Variants in DPP6 observed in about 807,000 individuals in gnomAD.
The protein encoded by DPP6 is dipeptidyl peptidase like 6.
In DPP6, 69 loss-of-function variants were observed where a neutral mutation model predicts 122.6. The observed-to-expected ratio is 0.56, with a 90% CI of 0.46 to 0.69. DPP6 has a LOEUF of 0.69. Ranked by LOEUF, DPP6 falls within the 30% of genes least tolerant of loss-of-function variation. The pLI is 0.00. For missense variants in DPP6, 928 were observed against 1,116.9 expected (o/e 0.83, Z 2.41); for synonymous variants, 418 against 433.1 (o/e 0.97, Z 0.43).
intron 1 of DPP6, among the ~76,000 whole-genome samples, chr7:154,438,025 A>G (rs1389291305): frequency 7.9e-5 from 12 of 152,190 alleles, no homozygotes; most frequent in Admixed American, 7.9e-4. Flanking sequence ...GTGTAAGTGT[A>G]GCTAGAATAT....
intron 1 of DPP6, among the ~76,000 whole-genome samples, chr7:154,340,107 A>G (rs1465260775): frequency 6.6e-6 from 1 of 152,202 alleles, no homozygotes; most frequent in Non-Finnish European, 1.5e-5. Context: ...GTTGACCATT[A>G]GAAACACAAC....
At chr7:153,763,428 T>C in the DPP6 span, among the ~76,000 whole-genome samples, 2 of 147,814 alleles carry the variant, frequency 1.4e-5, no homozygotes, top group Non-Finnish European at 3.0e-5. Flanking sequence ...ATTTTCTAAG[T>C]AGAAGTGGGA....
At chr7:153,833,323 T>C in the DPP6 span, among the ~76,000 whole-genome samples, 22,514 of 152,166 alleles carry the variant, frequency 0.15, 2,953 homozygotes, top group African/African-American at 0.36. Context: ...TCTTTTTGTA[T>C]AGGCATAAGC....
the DPP6 span, among the ~76,000 whole-genome samples, chr7:153,846,391 TGTTCTCCCA>T: frequency 6.6e-6 from 1 of 152,192 alleles, no homozygotes; most frequent in East Asian, 1.9e-4. Context: ...ATATGCAATG[TGTTCTCCCA>T]GTCTGCTCTT....
chr7:154,409,878 GC>G (rs1816452802), intron 1 of DPP6, among the ~76,000 whole-genome samples: 1 of 152,176 alleles, frequency 6.6e-6, no homozygotes, highest in Non-Finnish European at 1.5e-5. Context: ...GTTAAGCATG[GC>G]CTTCAGTTTG....
chr7:154,491,805 G>A (rs899137670), intron 3 of DPP6, among the ~76,000 whole-genome samples: 2 of 152,142 alleles, frequency 1.3e-5, no homozygotes, highest in African/African-American at 4.8e-5. Flanking sequence ...GGGCTCCCAG[G>A]CAGATTTAGG....
chr7:154,458,845 G>A (rs1307775510), intron 2 of DPP6, among the ~76,000 whole-genome samples: 1 of 152,194 alleles, frequency 6.6e-6, no homozygotes, highest in African/African-American at 2.4e-5. Flanking sequence ...CATTCACAAT[G>A]GGAGTCCATG....
the DPP6 span, among the ~76,000 whole-genome samples, chr7:153,782,581 CA>C: frequency 5.5e-4 from 83 of 152,236 alleles, 1 homozygote; most frequent in African/African-American, 1.9e-3. Flanking sequence ...CTATTCTTTT[CA>C]ACAAAATAGT....
chr7:154,501,283 T>G (rs1215086499), intron 3 of DPP6, among the ~76,000 whole-genome samples: 8 of 151,956 alleles, frequency 5.3e-5, no homozygotes, highest in Non-Finnish European at 5.9e-5. Flanking sequence ...GAGGTGAAAT[T>G]CAAGCCAGCT....
At chr7:154,283,581 C>G (rs901258954) in intron 1 of DPP6, among the ~76,000 whole-genome samples, 2 of 151,770 alleles carry the variant, frequency 1.3e-5, no homozygotes, top group Non-Finnish European at 2.9e-5. Context: ...GAAACTTACT[C>G]TTTATTTGAG....
chr7:154,261,182 C>T (rs1168152865), intron 1 of DPP6, among the ~76,000 whole-genome samples: 1 of 152,200 alleles, frequency 6.6e-6, no homozygotes, highest in Non-Finnish European at 1.5e-5. Flanking sequence ...GCATGAGCTG[C>T]CACGCCCAGC....
intron 6 of DPP6, among the ~76,000 whole-genome samples, chr7:154,662,812 T>C (rs59482063): frequency 0.91 from 26,179 of 28,848 alleles, 12,107 homozygotes; most frequent in South Asian, 0.94. Flanking sequence ...ATCACCATGG[T>C]GTATTGGCGC....
At chr7:153,824,468 C>T in the DPP6 span, among the ~76,000 whole-genome samples, 1 of 150,896 alleles carries the variant, frequency 6.6e-6, no homozygotes, top group South Asian at 2.1e-4. Flanking sequence ...GGGTGGATCA[C>T]CTGAGGTCAG....
intron 6 of DPP6, among the ~76,000 whole-genome samples, chr7:154,652,314 T>C (rs1175915707): frequency 6.6e-6 from 1 of 152,040 alleles, no homozygotes; most frequent in Non-Finnish European, 1.5e-5. Context: ...AATTTATTAC[T>C]TTTTTTCCCC....
intron 1 of DPP6, among the ~76,000 whole-genome samples, chr7:153,908,879 G>A (rs1799958555): frequency 6.6e-6 from 1 of 151,948 alleles, no homozygotes; most frequent in Admixed American, 6.6e-5. Flanking sequence ...TCAGCCTCCT[G>A]AGTACCTGGG....
chr7:154,382,607 C>A (rs111570618), intron 1 of DPP6, among the ~76,000 whole-genome samples: 12 of 152,252 alleles, frequency 7.9e-5, no homozygotes, highest in African/African-American at 2.9e-4. Flanking sequence ...CAGCGCTCAG[C>A]GCTCTTCATG....
intron 1 of DPP6, among the ~76,000 whole-genome samples, chr7:154,119,246 G>A (rs1807242803): frequency 6.6e-6 from 1 of 152,144 alleles, no homozygotes; most frequent in African/African-American, 2.4e-5. Context: ...TGCTCTGGAG[G>A]TTTTCATCGT....
At chr7:153,964,979 C>CCTTCCTTCCTTCCTTCCTTT (rs1487870900) in intron 1 of DPP6, among the ~76,000 whole-genome samples, 3 of 60,278 alleles carry the variant, frequency 5.0e-5, no homozygotes, top group Non-Finnish European at 8.1e-5. Context: ...ATTTCTTTTC[C>CCTTCCTTCCTTCCTTCCTTT]CTTCCTTCCT....
intron 8 of DPP6, among the ~76,000 whole-genome samples, chr7:154,766,835 T>C (rs1162909050): frequency 6.6e-6 from 1 of 152,180 alleles, no homozygotes; most frequent in African/African-American, 2.4e-5. Context: ...AGCAGCAGCA[T>C]TTCCTTTAGG....
Sources: allele counts gnomAD v4.1 joint callset (sites outside exome capture counted in the v4.1 genomes callset), GRCh38; gene constraint gnomAD v4.1.1; transcripts MANE v1.5; gene names NCBI Gene and HGNC (gene_info 2026-07-23, HGNC 2026-07-21).